Variants in APOBEC3B observed in about 807,000 individuals in gnomAD.
The protein encoded by APOBEC3B is DNA dC->dU-editing enzyme APOBEC-3B.
A neutral mutation model predicts 53.4 loss-of-function variants in APOBEC3B; 29 were observed. The observed-to-expected ratio is 0.54, with a 90% CI of 0.40 to 0.74. The LOEUF is 0.74. Among genes scored for constraint, APOBEC3B ranks in the 30% least tolerant of loss-of-function variants. The probability of loss-of-function intolerance (pLI) is 0.00; values close to 1 mark genes in which losing one functional copy is unlikely to be tolerated. For missense variants in APOBEC3B, 347 were observed against 496.2 expected, an observed-to-expected ratio of 0.70 and a Z score of 2.86; for synonymous variants, 132 against 184.8, an observed-to-expected ratio of 0.71 and a Z score of 2.32.
intron 4 of APOBEC3B, among the ~76,000 whole-genome samples, chr22:38,988,741 C>CTTTCTTTCTTTCTTTCTT (rs1256482589): frequency 1.6e-5 from 2 of 121,584 alleles, no homozygotes; most frequent in African/African-American, 3.5e-5. Context: ...TTCTTTCTTT[C>CTTTCTTTCTTTCTTTCTT]TTTCTTCCTT....
At chr22:38,989,012 C>T (rs1036893127) in intron 4 of APOBEC3B, among the ~76,000 whole-genome samples, 1 of 147,734 alleles carries the variant, frequency 6.8e-6, no homozygotes, top group Non-Finnish European at 1.5e-5. Flanking sequence ...TGATCCCCCT[C>T]AGGAGTGTCC....
intron 7 of APOBEC3B, 92 bp from the exon 8 acceptor site, chr22:38,992,339 C>T: frequency 1.3e-6 from 2 of 1,545,458 alleles, no homozygotes; most frequent in East Asian, 2.5e-5. Flanking sequence ...CCTCCCTCCT[C>T]TCCCGTCATT....
chr22:38,992,187 C>A (rs765789641), intron 7 of APOBEC3B, 38 bp downstream of exon 7: 1 of 1,576,056 alleles, frequency 6.3e-7, no homozygotes, highest in Non-Finnish European at 8.6e-7. Flanking sequence ...CCCCATCGGC[C>A]TCCCCCTCCT....
chr22:38,992,694 C>T lies in APOBEC3B; in HGVS notation c.*249C>T. On this transcript the variant is annotated 3_prime_UTR_variant, in exon 8 of 8. Coordinates refer to ENST00000333467, the MANE Select transcript of APOBEC3B (RefSeq NM_004900.5). ...TGCTCAATATTCCCAGAATAGTTTT[C>T]AATGTATTAATGAAGTGATTAATTG... 1 of 1,096,620 alleles carries T rather than the reference C, an allele frequency of 9.1e-7. No individual in the cohort carries two copies. Among genetic ancestry groups the T allele is most frequent in the Non-Finnish European group, 1.3e-6 (1 of 779,454 alleles). 67.9% of individuals were successfully genotyped at this position (1,096,620 alleles called of 1,614,324 possible). A position where few individuals can be genotyped will look rare whatever the true frequency, so the allele number is the denominator to read the frequency against.
At chr22:38,982,578 C>A in intron 1 of APOBEC3B, 108 bp downstream of exon 1, 1 of 1,352,344 alleles carries the variant, frequency 7.4e-7, no homozygotes, top group Non-Finnish European at 1.0e-6. Flanking sequence ...GCCCTGGGCT[C>A]CCTCCCCTCT....
intron 7 of APOBEC3B, 97 bp downstream of exon 7, chr22:38,992,246 G>T (rs1924038190): frequency 6.5e-7 from 1 of 1,545,832 alleles, no homozygotes; most frequent in Non-Finnish European, 8.7e-7. Context: ...GCCTCCTCTG[G>T]GTTCCCTGCT....
chr22:38,992,491 A>C lies in APOBEC3B; in HGVS notation c.*46A>C. ...AGGAAGGCAGAGACCTGGGTTGAGC[A>C]GCAGAATAAAAGATCTTCTTCCAAG... On this transcript the variant is annotated 3_prime_UTR_variant, in exon 8 of 8. Coordinates refer to ENST00000333467, the MANE Select transcript of APOBEC3B (RefSeq NM_004900.5). 2.7e-6 allele frequency: 4 copies of C among 1,495,010 alleles called. No homozygotes were observed. Among genetic ancestry groups the C allele is most frequent in the Non-Finnish European group, 3.6e-6 (4 of 1,125,982 alleles). The allele number at this position is 1,495,010 out of a possible 1,614,324, so 92.6% of individuals were successfully genotyped here.
chr22:38,989,606 A>G lies in APOBEC3B; in HGVS notation c.719A>G (p.Asn240Ser). ...GACCAGCACATGGGCTTTCTATGCAACGAGGTGACCGACCCAGCCACCTGC... is the reference window on the plus strand; with the variant it reads ...GACCAGCACATGGGCTTTCTATGCAGCGAGGTGACCGACCCAGCCACCTGC... ...LMDQHMGFLC[N>S]EAKNLLCGFY... The change falls in exon 5 of 8, where the codon AAC (asparagine) becomes AGC (serine). Residue 240 changes from asparagine to serine, a missense_variant. By Grantham distance (46) the Asn-to-Ser change is conservative. Coordinates refer to ENST00000333467, the MANE Select transcript of APOBEC3B (RefSeq NM_004900.5). The G allele has an allele frequency of 6.4e-7, 1 of 1,568,412 alleles. No homozygotes were observed.
intron 2 of APOBEC3B, 50 bp from the exon 3 acceptor site, chr22:38,985,762 C>T: frequency 6.6e-7 from 1 of 1,523,412 alleles, no homozygotes; most frequent in Non-Finnish European, 8.8e-7. Flanking sequence ...CCCCTGCACT[C>T]CTCCTGCTCC....
At chr22:38,990,011 T>A (rs768876450) in intron 5 of APOBEC3B, among the ~76,000 whole-genome samples, 1 of 142,226 alleles carries the variant, frequency 7.0e-6, no homozygotes, top group Non-Finnish European at 1.5e-5. Flanking sequence ...GGTTTTGTCC[T>A]GCCCAGGGTG....
chr22:38,982,549 T>A, intron 1 of APOBEC3B, 79 bp downstream of exon 1: 1 of 1,520,132 alleles, frequency 6.6e-7, no homozygotes. Flanking sequence ...AACCCTGGCC[T>A]CCCCCCGCCC....
At chr22:38,990,844 C>T (rs1017857370) in intron 5 of APOBEC3B, among the ~76,000 whole-genome samples, 1 of 145,942 alleles carries the variant, frequency 6.9e-6, no homozygotes, top group African/African-American at 2.5e-5. Flanking sequence ...CTCCCTGCCC[C>T]CATCTCTGTA....
intron 4 of APOBEC3B, among the ~76,000 whole-genome samples, chr22:38,987,741 A>T (rs891750174): frequency 2.0e-5 from 3 of 148,470 alleles, no homozygotes; most frequent in Admixed American, 6.9e-5. Context: ...CGTGAGCACC[A>T]TTCACCTTTT....
rs1197648389 is a variant in APOBEC3B, at chr22:38,987,457, G to T, written c.569+1045G>T. ...AGTCACCGCTGGGCTGGTGCTCCCT[G>T]CCCTGGGAGGGTGCTCCCTGTATAT... On this transcript the variant is annotated intron_variant, in intron 4 of 7. Coordinates refer to ENST00000333467, the MANE Select transcript of APOBEC3B (RefSeq NM_004900.5). Among the ~76,000 whole-genome samples the T allele has an allele frequency of 2.7e-5, 4 of 148,704 alleles. 1 individual carries two copies. Among genetic ancestry groups the T allele is most frequent in the African/African-American group, 9.8e-5 (4 of 40,838 alleles).
At chr22:38,991,982 C>T in intron 6 of APOBEC3B, 52 bp from the exon 7 acceptor site, 1 of 1,508,562 alleles carries the variant, frequency 6.6e-7, no homozygotes, top group Non-Finnish European at 8.8e-7. Flanking sequence ...GCCCTTGGTG[C>T]TGCCCCCTCC....
rs191362646 is a variant in APOBEC3B, at chr22:38,983,132, T to C, written c.17+662T>C. ...GGGAGTTTGAGACCAACCTGGCCCA[T>C]ATGGTGAAACCCCGTCTCTACTAAA... is the stretch of plus-strand genomic sequence containing the variant. On this transcript the variant is annotated intron_variant, in intron 1 of 7. Coordinates refer to ENST00000333467, the MANE Select transcript of APOBEC3B (RefSeq NM_004900.5). 4.2e-4 allele frequency among the ~76,000 whole-genome samples: 62 copies of C among 147,724 alleles called. 18 individuals carry two copies. In the East Asian group the frequency reaches 0.013, roughly 31 times the overall value.
rs200407707 is a variant in APOBEC3B, at chr22:38,986,068, G to A, written c.431G>A (p.Arg144His). ...TGCAGGCTGAGTCAGGCAGGAGCCC[G>A]CGTGACGATCATGGACTATGAAGGT... ...ALCRLSQAGA[R>H]VTIMDYEEFA... is the part of the protein sequence containing the mutation. The change falls in exon 3 of 8, where the codon CGC becomes CAC. Residue 144 changes from arginine to histidine, a missense_variant. Coordinates refer to ENST00000333467, the MANE Select transcript of APOBEC3B (RefSeq NM_004900.5). 1.6e-4 allele frequency: 258 copies of A among 1,592,454 alleles called. 17 individuals are homozygous for A. Among genetic ancestry groups the A allele is most frequent in the Non-Finnish European group, 2.1e-4 (244 of 1,172,518 alleles).
In APOBEC3B at chr22:38,989,666, A is replaced by C; in HGVS notation, c.723+56A>C. 6.1e-6 allele frequency: 9 copies of C among 1,476,686 alleles called. 1 individual carries two copies. Among genetic ancestry groups the C allele is most frequent in the Non-Finnish European group, 8.2e-6 (9 of 1,097,268 alleles). The allele number at this position is 1,476,686 out of a possible 1,614,324, so 91.5% of individuals were successfully genotyped here. A position where few individuals can be genotyped will look rare whatever the true frequency, so the allele number is the denominator to read the frequency against. The stretch of plus-strand genomic sequence containing the variant: ...GGGCCCTCCCAATCCAGGGACACTC[A>C]TAGATAGAAGGTTCTGGGTGGTGCC... On this transcript the variant is annotated intron_variant, in intron 5 of 7. Coordinates refer to ENST00000333467, the MANE Select transcript of APOBEC3B (RefSeq NM_004900.5).
intron 4 of APOBEC3B, among the ~76,000 whole-genome samples, chr22:38,987,707 G>T (rs56283340): frequency 0.011 from 1,663 of 148,498 alleles, 75 homozygotes; most frequent in African/African-American, 0.039. Context: ...GGATGCACAC[G>T]ACCCCAGACA....
Sources: gnomAD v4.1 joint callset for allele counts (sites outside exome capture counted in the v4.1 genomes callset) on GRCh38, gnomAD v4.1.1 for gene constraint, MANE v1.5 for transcripts, NCBI Gene and HGNC (gene_info 2026-07-23, HGNC 2026-07-21) for gene names.